The following ROBO2 variants were observed in gnomAD, a reference collection of about 807,000 sequenced individuals.
ROBO2 encodes the protein roundabout guidance receptor 2.
A neutral mutation model predicts 160.8 loss-of-function variants in ROBO2; 53 were observed. The observed-to-expected ratio is 0.33, with a 90% CI of 0.26 to 0.41. The LOEUF (loss-of-function observed/expected upper bound fraction) is 0.41, where lower values mean the gene tolerates loss of function less well. Among genes scored for constraint, ROBO2 ranks in the 10% least tolerant of loss-of-function variants. ROBO2 has a pLI of 1.00. For missense variants in ROBO2, 1,577 were observed against 1,722.4 expected (o/e 0.92, Z 1.49); for synonymous variants, 664 against 611.7 (o/e 1.09, Z -1.26).
At chr3:76,125,935 T>C (rs1164929498) in intron 2 of ROBO2, among the ~76,000 whole-genome samples, 1 of 152,118 alleles carries the variant, frequency 6.6e-6, no homozygotes. Flanking sequence ...CAAGCAATTC[T>C]CCTGTCTCAG....
chr3:76,663,016 G>A (rs2091890510), intron 2 of ROBO2, among the ~76,000 whole-genome samples: 1 of 152,188 alleles, frequency 6.6e-6, no homozygotes, highest in Non-Finnish European at 1.5e-5. Context: ...AGGTCTTAGA[G>A]GAAGTGGATC....
At chr3:75,996,795 GATATATGTAAATCATCAATT>G (rs1559816287) in intron 2 of ROBO2, among the ~76,000 whole-genome samples, 5 of 149,216 alleles carry the variant, frequency 3.4e-5, no homozygotes, top group African/African-American at 1.2e-4. Context: ...CATCAATTCT[GATATATGTAAATCATCAATT>G]CTGATATTTG....
At chr3:76,340,360 C>T (rs1371539406) in intron 2 of ROBO2, among the ~76,000 whole-genome samples, 2 of 152,126 alleles carry the variant, frequency 1.3e-5, no homozygotes, top group East Asian at 1.9e-4. Flanking sequence ...CATTTCACCT[C>T]CTTGACCATG....
chr3:76,449,746 A>C (rs1214728827), intron 2 of ROBO2, among the ~76,000 whole-genome samples: 2 of 152,182 alleles, frequency 1.3e-5, no homozygotes, highest in African/African-American at 4.8e-5. Context: ...ATCACCAAAT[A>C]GGGCATTTAC....
intron 2 of ROBO2, among the ~76,000 whole-genome samples, chr3:77,212,569 C>G (rs1249528976): frequency 2.0e-5 from 3 of 152,120 alleles, no homozygotes; most frequent in Admixed American, 1.3e-4. Flanking sequence ...CCCTTTATTT[C>G]CTTCTCCTGC....
At chr3:76,194,374 A>ATATATATATG (rs1702161453) in intron 2 of ROBO2, among the ~76,000 whole-genome samples, 1 of 142,670 alleles carries the variant, frequency 7.0e-6, no homozygotes, top group Non-Finnish European at 1.5e-5. Flanking sequence ...ATATATATAT[A>ATATATATATG]TATATATATA....
intron 2 of ROBO2, among the ~76,000 whole-genome samples, chr3:76,323,722 G>A (rs1030264679): frequency 6.6e-6 from 1 of 152,134 alleles, no homozygotes; most frequent in Non-Finnish European, 1.5e-5. Flanking sequence ...TTTGGAAATT[G>A]GTTTTTGGAT....
At chr3:76,732,928 A>C (rs2093657706) in intron 2 of ROBO2, among the ~76,000 whole-genome samples, 1 of 142,858 alleles carries the variant, frequency 7.0e-6, no homozygotes, top group Non-Finnish European at 1.5e-5. Context: ...AGAGTCATGT[A>C]GTCTTCCTTA....
chr3:76,268,903 T>C (rs1261629213), intron 2 of ROBO2, among the ~76,000 whole-genome samples: 1 of 152,144 alleles, frequency 6.6e-6, no homozygotes, highest in Non-Finnish European at 1.5e-5. Context: ...ACACCTATAC[T>C]TAGACTCTTA....
At chr3:75,910,315 C>A (rs1946517736) in intron 1 of ROBO2, among the ~76,000 whole-genome samples, 1 of 152,192 alleles carries the variant, frequency 6.6e-6, no homozygotes. Flanking sequence ...GTGTCATCAA[C>A]ATTCATTGCT....
intron 2 of ROBO2, among the ~76,000 whole-genome samples, chr3:76,992,107 G>C (rs184636951): frequency 6.6e-6 from 1 of 151,792 alleles, no homozygotes; most frequent in Non-Finnish European, 1.5e-5. Context: ...CTATCCTGTA[G>C]TATAAGCATA....
At chr3:76,585,143 C>T (rs2085952825) in intron 2 of ROBO2, among the ~76,000 whole-genome samples, 1 of 152,154 alleles carries the variant, frequency 6.6e-6, no homozygotes, top group Non-Finnish European at 1.5e-5. Context: ...GCATCACTGG[C>T]CTTGCTGTCT....
chr3:76,791,353 TG>T (rs2063338126), intron 2 of ROBO2, among the ~76,000 whole-genome samples: 1 of 151,758 alleles, frequency 6.6e-6, no homozygotes, highest in African/African-American at 2.4e-5. Context: ...TACTCTCTCA[TG>T]TTGTGCCAAA....
At chr3:76,397,803 A>G (rs965272149) in intron 2 of ROBO2, among the ~76,000 whole-genome samples, 9 of 151,992 alleles carry the variant, frequency 5.9e-5, no homozygotes, top group African/African-American at 1.9e-4. Flanking sequence ...GAGAATGGCA[A>G]TCATTAAAAA....
At chr3:75,949,388 T>C (rs1432760304) in intron 2 of ROBO2, among the ~76,000 whole-genome samples, 1 of 152,116 alleles carries the variant, frequency 6.6e-6, no homozygotes, top group East Asian at 1.9e-4. Context: ...TGTGAATTTA[T>C]CTCAGAGGAA....
exon 24 of ROBO2, chr3:77,634,920 A>G: frequency 1.2e-6 from 2 of 1,614,020 alleles, no homozygotes; most frequent in Non-Finnish European, 1.7e-6. Context: ...CCCATTTTCT[A>G]CTGACAGTAA....
intron 2 of ROBO2, among the ~76,000 whole-genome samples, chr3:76,887,781 C>T (rs1296066208): frequency 6.6e-6 from 1 of 152,096 alleles, no homozygotes; most frequent in African/African-American, 2.4e-5. Flanking sequence ...CCATATTGAG[C>T]TCTTAATCTC....
At chr3:76,715,236 C>A (rs1229335441) in intron 2 of ROBO2, among the ~76,000 whole-genome samples, 4 of 151,968 alleles carry the variant, frequency 2.6e-5, no homozygotes, top group African/African-American at 7.2e-5. Context: ...TGCTCAAATT[C>A]TAAGGAAAAA....
chr3:76,114,371 G>A (rs2070371321), intron 2 of ROBO2, among the ~76,000 whole-genome samples: 1 of 152,002 alleles, frequency 6.6e-6, no homozygotes, highest in African/African-American at 2.4e-5. Flanking sequence ...AAAGACTAGA[G>A]TCACAAGTTT....
Sources: allele counts gnomAD v4.1 joint callset (sites outside exome capture counted in the v4.1 genomes callset), GRCh38; gene constraint gnomAD v4.1.1; transcripts MANE v1.5; gene names NCBI Gene and HGNC (gene_info 2026-07-23, HGNC 2026-07-21).